Variants in HGFAC observed in about 807,000 individuals in gnomAD.
HGFAC encodes HGF activator.
In HGFAC, 76 loss-of-function variants were observed where a neutral mutation model predicts 70.6. The observed-to-expected ratio is 1.08, with a 90% confidence interval of 0.89 to 1.30. HGFAC has a LOEUF of 1.30. Among genes scored for constraint, HGFAC ranks in the 50% most tolerant of loss-of-function variants. The probability of loss-of-function intolerance (pLI) is 0.00; values close to 1 mark genes in which losing one functional copy is unlikely to be tolerated. For synonymous variants in HGFAC, 464 were observed against 405.3 expected (o/e 1.14, Z -1.74); for missense variants, 1,044 against 933.7 (o/e 1.12, Z -1.54).
In HGFAC at chr4:3,449,292, G is replaced by A. The variant is rs1450092345; in HGVS notation, c.1841G>A (p.Gly614Asp). 1.2e-6 allele frequency: 2 copies of A among 1,612,472 alleles called. No homozygotes were observed. The highest frequency in any genetic ancestry group is 2.2e-5 in the South Asian group (2 of 91,064). The change falls in exon 14 of 14, where the codon GGC becomes GAC. Residue 614 changes from glycine to aspartate, a missense_variant. By Grantham distance (94) the Gly-to-Asp change is moderately conservative. Coordinates refer to ENST00000382774, the MANE Select transcript of HGFAC (RefSeq NM_001528.4). ...AAGAACGGCGTGGCTTACCTCTACG[G>A]CATCATCAGCTGGGGTGACGGCTGC... ...CEKNGVAYLY[G>D]IISWGDGCGR...
Position 3,444,385 on chromosome 4 carries a change from G to A in HGFAC, c.673G>A (p.Val225Met), listed in dbSNP as rs16844370. 3,580 of 1,604,980 alleles carry A rather than the reference G, an allele frequency of 2.2e-3. 64 individuals are homozygous for A. The African/African-American group carries it at 0.042, about 19-fold the overall frequency. ...CTGGGCCCGCGTGCGCCAGGGCCAC[G>A]TGGAACAGTGCGAGTGCTTCGGGGG... Reference protein sequence around the residue: ...DRWARVRQGHVEQCECFGGRT... With the variant: ...DRWARVRQGHMEQCECFGGRT... Residue 225 changes from valine to methionine, a missense_variant, in exon 6 of 14, where the codon GTG (valine) becomes ATG (methionine). Physicochemically the swap from Val to Met is conservative, Grantham distance 21 (BLOSUM62 1). Transcript: ENST00000382774.
chr4:3,443,169 C>T (rs1725372647), intron 3 of HGFAC, 23 bp downstream of exon 3: 2 of 1,481,624 alleles, frequency 1.3e-6, no homozygotes, highest in South Asian at 1.3e-5. Context: ...AGCCGGGGCA[C>T]CCGAGCTGGG....
intron 8 of HGFAC, 34 bp downstream of exon 8, chr4:3,445,027 G>A (rs3752440): frequency 0.089 from 134,144 of 1,511,688 alleles, 7,064 homozygotes; most frequent in Middle Eastern, 0.19. Flanking sequence ...CGCCGCATGC[G>A]GGGCAGGCAG....
At position 3,449,178 on chromosome 4, in the gene HGFAC, GA is replaced by G. The variant is rs1343468177; in HGVS notation, c.1786-58del. ...TGTCCCCAAGCTGCCACTTGGGGGA[GA>G]GGGGGGTCCCTGAACCAGGCCCCTG... is the stretch of plus-strand genomic sequence containing the variant. On this transcript the variant is annotated intron_variant, in intron 13 of 13. Transcript: ENST00000382774. The G allele has an allele frequency of 9.9e-6, 15 of 1,508,880 alleles. No individual in the cohort carries two copies. The African/African-American group carries it at 1.7e-4, about 17-fold the overall frequency. The allele number at this position is 1,508,880 out of a possible 1,614,324, so 93.5% of individuals were successfully genotyped here.
Position 3,449,481 on chromosome 4 carries a change from C to A in HGFAC, c.*62C>A. The A allele has an allele frequency of 6.9e-7, 1 of 1,455,258 alleles. No individual in the cohort carries two copies. The highest frequency in any genetic ancestry group is 9.2e-7 in the Non-Finnish European group (1 of 1,090,852). The allele number at this position is 1,455,258 out of a possible 1,614,324, so 90.1% of individuals were successfully genotyped here. A position where few individuals can be genotyped will look rare whatever the true frequency, so the allele number is the denominator to read the frequency against. ...GCCTTGCTGACAATAAAGATATTTCCAAGAACCCGGCCCACGCTGCCTGGC... is the reference window on the plus strand; with the variant it reads ...GCCTTGCTGACAATAAAGATATTTCAAAGAACCCGGCCCACGCTGCCTGGC... On this transcript the variant is annotated 3_prime_UTR_variant, in exon 14 of 14. Coordinates refer to ENST00000382774, the MANE Select transcript of HGFAC (RefSeq NM_001528.4).
At chr4:3,449,161 A>T (rs530220970) in intron 13 of HGFAC, 76 bp from the exon 14 acceptor site, 78 of 1,379,550 alleles carry the variant, frequency 5.7e-5, no homozygotes, top group South Asian at 4.0e-4. Context: ...TCTGTCCCCA[A>T]GCTGCCACTT....
intron 10 of HGFAC, 80 bp downstream of exon 10, chr4:3,446,374 G>C: frequency 6.7e-7 from 1 of 1,497,662 alleles, no homozygotes; most frequent in South Asian, 1.3e-5. Flanking sequence ...GTCCCCACCC[G>C]CTTGCGGACC....
rs370933886 is a variant in HGFAC, at chr4:3,444,061, C to T, written c.498C>T (p.Ser166=). 91 of 1,608,670 alleles carry T rather than the reference C, an allele frequency of 5.7e-5. No homozygotes were observed. Among genetic ancestry groups the T allele is most frequent in the Non-Finnish European group, 7.1e-5 (84 of 1,178,230 alleles). The change falls in exon 5 of 14, where the codon TCC becomes TCT. Residue 166 remains serine, a synonymous_variant. Transcript: ENST00000382774. ...CAGCTGCCCTGGATCCCTGTGCCTC[C>T]GGCCCCTGCCTCAATGGAGGCTCCT... ...GGPAALDPCA[S]GPCLNGGSCS... is the part of the protein sequence containing the mutation.
At chr4:3,446,940 G>A (rs1004154076) in intron 10 of HGFAC, among the ~76,000 whole-genome samples, 2 of 152,190 alleles carry the variant, frequency 1.3e-5, no homozygotes, top group Non-Finnish European at 2.9e-5. Context: ...TGCAGCCGGC[G>A]GCTCCTGGGC....
upstream of HGFAC, among the ~76,000 whole-genome samples, chr4:3,441,163 C>T (rs1218916008): frequency 6.6e-6 from 1 of 152,198 alleles, no homozygotes; most frequent in Non-Finnish European, 1.5e-5. The surrounding 1 kb of genome is among the most constrained non-coding windows in gnomAD (Gnocchi z 6.0). Context: ...TCCGTGACTC[C>T]AGCTCCATCC....
chr4:3,442,345 C>G (rs1192993291), intron 1 of HGFAC, among the ~76,000 whole-genome samples: 2 of 152,176 alleles, frequency 1.3e-5, no homozygotes, highest in Non-Finnish European at 2.9e-5. Flanking sequence ...GGCTGTCATC[C>G]CTGTGCGGCC....
Position 3,444,292 on chromosome 4 carries a change from C to T in HGFAC, c.599-19C>T, listed in dbSNP as rs1725413356. 1 of 1,577,778 alleles carries T rather than the reference C, an allele frequency of 6.3e-7. No individual in the cohort carries two copies. The highest frequency in any genetic ancestry group is 1.9e-5 in the Admixed American group (1 of 54,036). ...GACAGCAGGTGGCAGGGTGTGAGGG[C>T]TTACTGTGCACCCCTCAGAGAAATG... On this transcript the variant is annotated intron_variant, in intron 5 of 13. Coordinates refer to ENST00000382774, the MANE Select transcript of HGFAC (RefSeq NM_001528.4).
rs1018743491 is a variant in HGFAC, at chr4:3,444,754, G to C, written c.841+21G>C. The C allele has an allele frequency of 1.1e-5, 17 of 1,577,850 alleles. No individual in the cohort carries two copies. The African/African-American group carries it at 2.3e-4, about 21-fold the overall frequency. On this transcript the variant is annotated intron_variant, in intron 7 of 13. Coordinates refer to ENST00000382774, the MANE Select transcript of HGFAC (RefSeq NM_001528.4). ...CATCGGTGAGTGGGTCAGCCCCCCG[G>C]GGTGCCCTGGGGCAGTGCCGGGTGG...
rs1354054006 is a variant in HGFAC, at chr4:3,445,216, C to T, written c.1017-49C>T. On this transcript the variant is annotated intron_variant, in intron 8 of 13. Coordinates refer to ENST00000382774, the MANE Select transcript of HGFAC (RefSeq NM_001528.4). ...TTCCGATGCCCCCTCCCCATGCCCT[C>T]TTCGAGGGGCAGTGTGACTCCCTGC... is the stretch of plus-strand genomic sequence containing the variant. The T allele has an allele frequency of 4.8e-6, 7 of 1,469,530 alleles. No homozygotes were observed. In the African/African-American group the frequency reaches 5.6e-5, roughly 12 times the overall value. 91.0% of individuals were successfully genotyped at this position (1,469,530 alleles called of 1,614,324 possible).
At chr4:3,444,784 A>G in intron 7 of HGFAC, 35 bp from the exon 8 acceptor site, 7 of 1,579,344 alleles carry the variant, frequency 4.4e-6, no homozygotes, top group Non-Finnish European at 6.0e-6. Context: ...GGGTGGACCC[A>G]CCGTGGGCCG....
chr4:3,441,089 G>A (rs192572634), upstream of HGFAC, among the ~76,000 whole-genome samples: 138 of 152,196 alleles, frequency 9.1e-4, no homozygotes, highest in African/African-American at 1.3e-3. The surrounding 1 kb of genome is among the most constrained non-coding windows in gnomAD (Gnocchi z 6.0). Flanking sequence ...GTGCCGTAGC[G>A]GCTGCTCCAA....
At chr4:3,447,143 G>A (rs1453091739) in intron 10 of HGFAC, among the ~76,000 whole-genome samples, 1 of 152,186 alleles carries the variant, frequency 6.6e-6, no homozygotes, top group African/African-American at 2.4e-5. Flanking sequence ...GGAAGCTGGG[G>A]CAGGGCCTGA....
intron 10 of HGFAC, 96 bp from the exon 11 acceptor site, chr4:3,447,396 C>T: frequency 7.0e-7 from 1 of 1,429,218 alleles, no homozygotes; most frequent in Non-Finnish European, 9.7e-7. Flanking sequence ...GGGTCCCACA[C>T]CATTGGCCTC....
At chr4:3,445,670 C>T (rs1725483751) in intron 9 of HGFAC, 3 of 610,804 alleles carry the variant, frequency 4.9e-6, no homozygotes, top group South Asian at 4.0e-5. Flanking sequence ...CCCCAGAGGC[C>T]ACCTGCTTCC....
Sources: allele counts gnomAD v4.1 joint callset (sites outside exome capture counted in the v4.1 genomes callset), GRCh38; gene constraint gnomAD v4.1.1; non-coding constraint Gnocchi (gnomAD v3.1); transcripts MANE v1.5; gene names NCBI Gene and HGNC (gene_info 2026-07-23, HGNC 2026-07-21).